CNTNAP2: variants seen among roughly 807,000 people sequenced by gnomAD.
The protein encoded by CNTNAP2 is contactin associated protein 2, also known as contactin-associated protein-like 2.
Under a neutral mutation model 155.2 loss-of-function variants are expected in CNTNAP2, and 98 were observed. The observed-to-expected ratio is 0.63, with a 90% CI of 0.54 to 0.75. CNTNAP2 has a LOEUF of 0.75. Ranked by LOEUF, CNTNAP2 falls within the 30% of genes least tolerant of loss-of-function variation. The pLI, the probability that CNTNAP2 is intolerant of heterozygous loss-of-function variation, is 0.00. For missense variants in CNTNAP2, 1,727 were observed against 1,688.1 expected (o/e 1.02, Z -0.40); for synonymous variants, 651 against 631.2 (o/e 1.03, Z -0.47).
chr7:147,514,777 C>T (rs1799088304), intron 11 of CNTNAP2, among the ~76,000 whole-genome samples: 1 of 152,130 alleles, frequency 6.6e-6, no homozygotes, highest in Non-Finnish European at 1.5e-5. Flanking sequence ...CACTCACAAC[C>T]CACGTCTACC....
intron 3 of CNTNAP2, among the ~76,000 whole-genome samples, chr7:146,955,496 T>G (rs1202820825): frequency 6.6e-6 from 1 of 151,958 alleles, no homozygotes; most frequent in Non-Finnish European, 1.5e-5. Context: ...TTGTATAAAT[T>G]TTGAGCTCCT....
At chr7:147,233,240 C>T (rs920364854) in intron 8 of CNTNAP2, among the ~76,000 whole-genome samples, 1 of 152,040 alleles carries the variant, frequency 6.6e-6, no homozygotes, top group Non-Finnish European at 1.5e-5. Flanking sequence ...ACAAACGTTC[C>T]CTATTTCTTC....
At chr7:146,447,469 A>G (rs144507186) in intron 1 of CNTNAP2, among the ~76,000 whole-genome samples, 1 of 152,060 alleles carries the variant, frequency 6.6e-6, no homozygotes, top group East Asian at 1.9e-4. Context: ...GAACCAATTT[A>G]CAATTTTCAA....
chr7:146,425,443 A>G (rs7781575), intron 1 of CNTNAP2, among the ~76,000 whole-genome samples: 43,235 of 152,062 alleles, frequency 0.28, 6,323 homozygotes, highest in Admixed American at 0.42. Context: ...AGCCATTTTG[A>G]GAGCAATCAG....
intron 8 of CNTNAP2, among the ~76,000 whole-genome samples, chr7:147,251,222 G>C (rs1804189893): frequency 6.6e-6 from 1 of 152,032 alleles, no homozygotes; most frequent in South Asian, 2.1e-4. Context: ...CCATCTTTCT[G>C]TCCCTTGTGA....
At chr7:146,674,985 T>C (rs1284965742) in intron 1 of CNTNAP2, among the ~76,000 whole-genome samples, 1 of 152,198 alleles carries the variant, frequency 6.6e-6, no homozygotes, top group Non-Finnish European at 1.5e-5. Flanking sequence ...TATTTCTAAT[T>C]GCCTTCAGCT....
At chr7:147,272,961 G>A (rs959236399) in intron 8 of CNTNAP2, among the ~76,000 whole-genome samples, 2 of 152,094 alleles carry the variant, frequency 1.3e-5, no homozygotes, top group African/African-American at 4.8e-5. Context: ...GTGAATTGTA[G>A]GCCTTGGAGA....
At chr7:148,280,748 G>A (rs958125404) in intron 21 of CNTNAP2, among the ~76,000 whole-genome samples, 1 of 151,838 alleles carries the variant, frequency 6.6e-6, no homozygotes, top group Non-Finnish European at 1.5e-5. Context: ...GCAAAACCCC[G>A]TCTCTACTAA....
intron 15 of CNTNAP2, among the ~76,000 whole-genome samples, chr7:148,043,572 C>G (rs1348044176): frequency 6.6e-6 from 1 of 152,192 alleles, no homozygotes; most frequent in Non-Finnish European, 1.5e-5. Flanking sequence ...TTCTTCGGCT[C>G]TGTAGTTAAA....
At chr7:146,953,033 C>T (rs1453864962) in intron 3 of CNTNAP2, among the ~76,000 whole-genome samples, 1 of 152,030 alleles carries the variant, frequency 6.6e-6, no homozygotes, top group African/African-American at 2.4e-5. Context: ...AATGAAATTA[C>T]TTCTATTGAA....
chr7:147,298,706 AC>A lies in CNTNAP2; in HGVS notation c.1349-1434del, dbSNP rs557312594. 2.0e-5 allele frequency among the ~76,000 whole-genome samples: 3 copies of A among 152,252 alleles called. No homozygotes were observed. In the East Asian group the frequency reaches 5.8e-4, roughly 29 times the overall value. ...AACTACATAGTTTCCAGTGCAGCTG[AC>A]TCTTGATGTAGGGCATGTGGTATGT... On this transcript the variant is annotated intron_variant, in intron 8 of 23. Coordinates refer to ENST00000361727, the MANE Select transcript of CNTNAP2 (RefSeq NM_014141.6).
chr7:147,838,534 C>A (rs1798669116), intron 13 of CNTNAP2, among the ~76,000 whole-genome samples: 1 of 152,244 alleles, frequency 6.6e-6, no homozygotes, highest in African/African-American at 2.4e-5. Context: ...TTTTTTCTAC[C>A]AGATACTCTG....
intron 8 of CNTNAP2, among the ~76,000 whole-genome samples, chr7:147,242,804 C>T (rs186033398): frequency 2.7e-4 from 41 of 152,110 alleles, no homozygotes; most frequent in Middle Eastern, 3.4e-3. Context: ...TACCTTCCTC[C>T]TAAGTAAAAA....
intron 3 of CNTNAP2, among the ~76,000 whole-genome samples, chr7:146,852,311 G>T (rs1274022240): frequency 2.0e-5 from 3 of 152,086 alleles, no homozygotes; most frequent in Non-Finnish European, 4.4e-5. Flanking sequence ...GAAGAGTTGT[G>T]CATCAACCTT....
At chr7:147,919,834 A>C (rs1411411706) in intron 14 of CNTNAP2, among the ~76,000 whole-genome samples, 3 of 150,958 alleles carry the variant, frequency 2.0e-5, no homozygotes, top group Non-Finnish European at 3.0e-5. Flanking sequence ...TGATTCACCC[A>C]CCTTAGCCTC....
At chr7:147,920,953 G>A (rs1236714796) in intron 14 of CNTNAP2, among the ~76,000 whole-genome samples, 1 of 151,754 alleles carries the variant, frequency 6.6e-6, no homozygotes, top group African/African-American at 2.4e-5. Context: ...GGGACTACAG[G>A]CACCCGCCAC....
At chr7:146,965,324 T>C (rs930736543) in intron 3 of CNTNAP2, among the ~76,000 whole-genome samples, 2 of 152,096 alleles carry the variant, frequency 1.3e-5, no homozygotes, top group Admixed American at 1.3e-4. Flanking sequence ...CTTCTCTAAA[T>C]GCAGAGTAAC....
intron 1 of CNTNAP2, among the ~76,000 whole-genome samples, chr7:146,712,186 C>A (rs1446648591): frequency 8.8e-6 from 1 of 113,728 alleles, no homozygotes; most frequent in African/African-American, 3.9e-5. Flanking sequence ...GTATACATAT[C>A]TTATGTATAC....
At chr7:147,898,418 T>C (rs1406391155) in intron 13 of CNTNAP2, among the ~76,000 whole-genome samples, 1 of 152,234 alleles carries the variant, frequency 6.6e-6, no homozygotes, top group African/African-American at 2.4e-5. Context: ...AACTTTATGA[T>C]TTTCCTCACC....
Sources: allele counts gnomAD v4.1 joint callset (sites outside exome capture counted in the v4.1 genomes callset), GRCh38; gene constraint gnomAD v4.1.1; transcripts MANE v1.5; gene names NCBI Gene and HGNC (gene_info 2026-07-23, HGNC 2026-07-21).